Variants in ZNF827 observed in about 807,000 individuals in gnomAD.
ZNF827 encodes the protein zinc finger protein 827.
ZNF827 carries 13 observed loss-of-function variants against 102.4 expected under a neutral mutation model. That is an observed-to-expected ratio of 0.13 (90% CI 0.08 to 0.20). The LOEUF (loss-of-function observed/expected upper bound fraction) is 0.20. Among genes scored for constraint, ZNF827 ranks in the 10% least tolerant of loss-of-function variants. The probability of loss-of-function intolerance (pLI) is 1.00; values close to 1 mark genes in which losing one functional copy is unlikely to be tolerated. For synonymous variants in ZNF827, 523 were observed against 536.2 expected (o/e 0.98, Z 0.34); for missense variants, 1,103 against 1,344.4 (o/e 0.82, Z 2.81).
chr4:145,858,057 C>G (rs768786807), intron 5 of ZNF827, among the ~76,000 whole-genome samples: 11 of 152,070 alleles, frequency 7.2e-5, no homozygotes, highest in Non-Finnish European at 1.5e-4. Context: ...TAAGCCCTGT[C>G]CATCCTTATA....
Position 145,904,970 on chromosome 4 carries a change from G to A in ZNF827, c.44-1755C>T, listed in dbSNP as rs1320494017. Among the ~76,000 whole-genome samples the A allele has an allele frequency of 2.0e-5, 3 of 152,220 alleles. 1 individual carries two copies. Among genetic ancestry groups the A allele is most frequent in the Non-Finnish European group, 4.4e-5 (3 of 68,038 alleles). On this transcript the variant is annotated intron_variant, in intron 1 of 14. Coordinates refer to ENST00000508784, the MANE Select transcript of ZNF827 (RefSeq NM_001306215.2). ...CCAGCTAGGAGGCTAGGATCCAGGTGGGGATTATGAAGGCTCAGCTCAGGA... is the reference window on the plus strand; with the variant it reads ...CCAGCTAGGAGGCTAGGATCCAGGTAGGGATTATGAAGGCTCAGCTCAGGA...
intron 8 of ZNF827, among the ~76,000 whole-genome samples, chr4:145,787,464 GA>G (rs35041321): frequency 0.039 from 3,284 of 83,222 alleles, 86 homozygotes; most frequent in African/African-American, 0.099. Context: ...TCCGTCTCAG[GA>G]AAAAAAAAAA....
chr4:145,885,575 C>T (rs1314991158), intron 4 of ZNF827, 103 bp downstream of exon 4: 7 of 1,441,962 alleles, frequency 4.9e-6, no homozygotes, highest in Non-Finnish European at 6.4e-6. Context: ...GTTCTACCAG[C>T]TTATTTTACA....
intron 5 of ZNF827, among the ~76,000 whole-genome samples, chr4:145,861,157 T>C (rs1335441964): frequency 6.6e-6 from 1 of 152,228 alleles, no homozygotes; most frequent in Non-Finnish European, 1.5e-5. Context: ...TAATTATGCA[T>C]GCAAATATTC....
intron 8 of ZNF827, among the ~76,000 whole-genome samples, chr4:145,816,964 T>C (rs1742648441): frequency 6.6e-6 from 1 of 152,256 alleles, no homozygotes; most frequent in South Asian, 2.1e-4. Flanking sequence ...CTGAAGCAAA[T>C]GTGCACTCCT....
At chr4:145,800,254 A>T (rs1291619134) in intron 8 of ZNF827, among the ~76,000 whole-genome samples, 1 of 152,232 alleles carries the variant, frequency 6.6e-6, no homozygotes, top group African/African-American at 2.4e-5. Context: ...CAGTATTAAT[A>T]GAACTATTAA....
rs1476237158 is a variant in ZNF827 at position 145,775,909 on chromosome 4, G to T, written c.2573C>A (p.Ala858Glu). Residue 858 changes from alanine (A) to glutamate (E), a missense_variant, in exon 10 of 15, where the codon GCA (alanine) becomes GAA (glutamate). Around this residue, in one of 5 missense-constraint regions of ZNF827, gnomAD observed 242 missense variants for 361.9 expected, o/e 0.67. Transcript: ENST00000508784. ...HLCPYAAKCR[A>E]NLNQHLTVHS... ...GACGGTCAAGTGCTGGTTCAGATTT[G>T]CACGGCACTTAGCAGCATAGGGGCA... 2 of 1,614,064 alleles carry T rather than the reference G, an allele frequency of 1.2e-6. 1 individual carries two copies.
chr4:145,936,527 G>C (rs1455949117), intron 1 of ZNF827, among the ~76,000 whole-genome samples: 1 of 152,124 alleles, frequency 6.6e-6, no homozygotes, highest in East Asian at 1.9e-4. Flanking sequence ...GGGAAAGAAA[G>C]AGGAATGTTT....
chr4:145,892,586 G>A (rs1049007827), intron 2 of ZNF827, among the ~76,000 whole-genome samples, 171 bp from the exon 3 acceptor site: 1 of 152,098 alleles, frequency 6.6e-6, no homozygotes, highest in African/African-American at 2.4e-5. Flanking sequence ...TTTTCTTCAG[G>A]TAGAAACCCA....
rs191662667 is a variant in ZNF827 at position 145,833,688 on chromosome 4, C to A, written c.2280-10163G>T. Among the ~76,000 whole-genome samples the A allele has an allele frequency of 6.0e-3, 909 of 151,912 alleles. 5 individuals are homozygous for A. Among genetic ancestry groups the A allele is most frequent in the Admixed American group, 0.01 (158 of 15,276 alleles). ...CCAATCCCTTATTTACGCACCCCAA[C>A]CTCGTATCTCTGTGCCCCAATCCCT... On this transcript the variant is annotated intron_variant, in intron 7 of 14. Transcript: ENST00000508784.
intron 1 of ZNF827, among the ~76,000 whole-genome samples, chr4:145,927,586 C>A (rs2126983246): frequency 6.6e-6 from 1 of 152,286 alleles, no homozygotes; most frequent in South Asian, 2.1e-4. Flanking sequence ...CTAAGGGGTT[C>A]TCCTGTAGTG....
At position 145,849,317 on chromosome 4, in the gene ZNF827, C is replaced by T. The variant is rs921869201; in HGVS notation, c.2221+5G>A. On this transcript the variant is annotated splice_donor_5th_base_variant and intron_variant, in intron 6 of 14. Transcript: ENST00000508784. Reference sequence around the variant, plus strand: ...TAATTGACATTTTCCTGTGCATAAACATACCTGACAGTTGAAAGAGGAGCT... The same window carrying T: ...TAATTGACATTTTCCTGTGCATAAATATACCTGACAGTTGAAAGAGGAGCT... The T allele has an allele frequency of 1.9e-6, 3 of 1,613,488 alleles. No individual in the cohort carries two copies. The highest frequency in any genetic ancestry group is 1.1e-5 in the South Asian group (1 of 91,060).
intron 8 of ZNF827, among the ~76,000 whole-genome samples, chr4:145,781,058 T>C (rs1737910442): frequency 6.6e-6 from 1 of 151,046 alleles, no homozygotes; most frequent in East Asian, 1.9e-4. Flanking sequence ...TAGCCGGGCG[T>C]GGTGGCGGGC....
Position 145,902,573 on chromosome 4 carries a change from G to A in ZNF827, c.686C>T (p.Thr229Ile). 6.2e-7 allele frequency: 1 copy of A among 1,614,102 alleles called. No homozygotes were observed. The highest frequency in any genetic ancestry group is 1.1e-5 in the South Asian group (1 of 91,080). ...ANAVLQDKSLTRTEETMRFES... is the reference protein window; with the variant it reads ...ANAVLQDKSLIRTEETMRFES... Reference sequence around the variant, plus strand: ...AAATCGCATGGTCTCCTCAGTCCTGGTGAGAGATTTGTCCTGCAGAACGGC... The same window carrying A: ...AAATCGCATGGTCTCCTCAGTCCTGATGAGAGATTTGTCCTGCAGAACGGC... The change falls in exon 2 of 15, where the codon ACC becomes ATC. Residue 229 changes from threonine (T) to isoleucine (I), a missense_variant. Around this residue, in one of 5 missense-constraint regions of ZNF827, gnomAD observed 441 missense variants for 458.6 expected, o/e 0.96. Coordinates refer to ENST00000508784, the MANE Select transcript of ZNF827 (RefSeq NM_001306215.2). This position sits in a 1 kb window ranked among gnomAD's most constrained non-coding sequence, Gnocchi z 4.3.
chr4:145,780,060 G>A (rs894792213), intron 8 of ZNF827, among the ~76,000 whole-genome samples: 1 of 152,232 alleles, frequency 6.6e-6, no homozygotes, highest in Non-Finnish European at 1.5e-5. Context: ...GCATGGTGGC[G>A]GGTGCCTGTA....
At chr4:145,883,081 C>T (rs988328778) in intron 4 of ZNF827, among the ~76,000 whole-genome samples, 1 of 151,720 alleles carries the variant, frequency 6.6e-6, no homozygotes, top group Non-Finnish European at 1.5e-5. Context: ...AAAAAAATCG[C>T]TCTAGAAAAT....
At chr4:145,781,016 G>T (rs528329500) in intron 8 of ZNF827, among the ~76,000 whole-genome samples, 1 of 151,990 alleles carries the variant, frequency 6.6e-6, no homozygotes, top group Non-Finnish European at 1.5e-5. Flanking sequence ...CTAACACGGT[G>T]AAACACTGTC....
chr4:145,932,667 G>A (rs1052033072), intron 1 of ZNF827, among the ~76,000 whole-genome samples: 1 of 152,038 alleles, frequency 6.6e-6, no homozygotes, highest in African/African-American at 2.4e-5. Flanking sequence ...GTAGAGACGG[G>A]GTTTCACCAT....
intron 7 of ZNF827, among the ~76,000 whole-genome samples, chr4:145,827,374 G>T (rs979245651): frequency 3.9e-5 from 6 of 152,156 alleles, no homozygotes; most frequent in African/African-American, 1.4e-4. Flanking sequence ...GAAGCTGAAA[G>T]ACTTTTCTAT....
Sources: allele counts gnomAD v4.1 joint callset (sites outside exome capture counted in the v4.1 genomes callset), GRCh38; gene constraint gnomAD v4.1.1; regional missense constraint gnomAD v4.1.1; non-coding constraint Gnocchi (gnomAD v3.1); transcripts MANE v1.5; gene names NCBI Gene and HGNC (gene_info 2026-07-23, HGNC 2026-07-21).